RP1: variants seen among roughly 807,000 people sequenced by gnomAD.
The protein encoded by RP1 is oxygen-regulated protein 1.
A neutral mutation model predicts 14.8 loss-of-function variants in RP1; 16 were observed. That is an observed-to-expected ratio of 1.08 (90% CI 0.73 to 1.65). The LOEUF (loss-of-function observed/expected upper bound fraction) is 1.65. Among genes scored for constraint, RP1 ranks in the 40% most tolerant of loss-of-function variants. RP1 has a pLI of 0.00. For synonymous variants in RP1, 876 were observed against 883.6 expected, an observed-to-expected ratio of 0.99 and a Z score of 0.15; for missense variants, 2,631 against 2,535.0, an observed-to-expected ratio of 1.04 and a Z score of -0.81.
exon 23 of RP1, chr8:54,769,857 G>T (rs1348264532): frequency 8.1e-7 from 1 of 1,235,530 alleles, no homozygotes; most frequent in South Asian, 1.4e-5. Context: ...GTTACATCTG[G>T]ACATCATGGA....
At chr8:54,736,245 T>C (rs1167547948) in intron 18 of RP1, among the ~76,000 whole-genome samples, 1 of 152,102 alleles carries the variant, frequency 6.6e-6, no homozygotes. Context: ...ATAAGATCTT[T>C]TCTTTCTAAA....
chr8:54,864,964 C>A (rs909050817), intron 27 of RP1, among the ~76,000 whole-genome samples: 1 of 152,122 alleles, frequency 6.6e-6, no homozygotes, highest in African/African-American at 2.4e-5. Flanking sequence ...TTTATGATAT[C>A]TTCCTACTTA....
At chr8:54,807,373 T>C (rs1810877983) in intron 24 of RP1, among the ~76,000 whole-genome samples, 1 of 152,258 alleles carries the variant, frequency 6.6e-6, no homozygotes, top group Non-Finnish European at 1.5e-5. Context: ...GGTAGTTACA[T>C]GGTTAGAGTC....
chr8:54,739,046 T>A, intron 19 of RP1: 1 of 1,504,432 alleles, frequency 6.6e-7, no homozygotes, highest in Non-Finnish European at 8.9e-7. Flanking sequence ...ATGTCACTTA[T>A]TTTTTTCTTC....
intron 24 of RP1, among the ~76,000 whole-genome samples, chr8:54,799,932 C>A (rs1810664723): frequency 6.6e-6 from 1 of 151,876 alleles, no homozygotes; most frequent in African/African-American, 2.4e-5. Context: ...CCATTTACAA[C>A]ATTCTTTATT....
chr8:54,679,924 G>A, exon 12 of RP1: 1 of 1,535,942 alleles, frequency 6.5e-7, no homozygotes, highest in Non-Finnish European at 8.7e-7. Flanking sequence ...AGAGAAGACA[G>A]ACAAATATGG....
At position 54,569,989 on chromosome 8, in the gene RP1, C is replaced by T. The variant is rs115836216; in HGVS notation, c.-13+10669C>T. ...AGCACATACCCCACACTGGAGTCTG[C>T]GTGCTCCTCTTCCACCTTCCTTGTC... On this transcript the variant is annotated intron_variant, in intron 1 of 22. Coordinates refer to the RP1 transcript ENST00000636932. Among the ~76,000 whole-genome samples, 533 of 152,274 alleles carry T rather than the reference C, an allele frequency of 3.5e-3. 3 individuals are homozygous for T. Among genetic ancestry groups the T allele is most frequent in the African/African-American group, 0.012 (506 of 41,554 alleles).
chr8:54,769,840 T>C (rs1233803627), exon 23 of RP1: 1 of 1,435,110 alleles, frequency 7.0e-7, no homozygotes, highest in South Asian at 1.3e-5. Context: ...AAGTACAAGA[T>C]GATTTTGTTA....
chr8:54,720,048 T>C, intron 15 of RP1: 2 of 1,150,330 alleles, frequency 1.7e-6, no homozygotes, highest in Non-Finnish European at 2.4e-6. Context: ...GACAAAATTA[T>C]ATTCTTTTAA....
chr8:54,764,334 G>A (rs1355255777), intron 22 of RP1, among the ~76,000 whole-genome samples: 1 of 152,240 alleles, frequency 6.6e-6, no homozygotes, highest in Non-Finnish European at 1.5e-5. Context: ...TGTGTTCTCA[G>A]CTGGTGCTGT....
At chr8:54,860,541 C>T (rs751210745) in intron 27 of RP1, among the ~76,000 whole-genome samples, 5 of 152,258 alleles carry the variant, frequency 3.3e-5, no homozygotes, top group Middle Eastern at 3.4e-3. Context: ...TGGGCCCACC[C>T]CAGAGATTCT....
intron 22 of RP1, among the ~76,000 whole-genome samples, chr8:54,768,279 C>T (rs1809815017): frequency 6.6e-6 from 1 of 152,226 alleles, no homozygotes; most frequent in African/African-American, 2.4e-5. Flanking sequence ...TTCCTTTGCA[C>T]TTCCCCATTC....
intron 1 of RP1, among the ~76,000 whole-genome samples, chr8:54,582,977 T>C (rs563320409): frequency 1.3e-5 from 2 of 152,322 alleles, no homozygotes; most frequent in African/African-American, 4.8e-5. Flanking sequence ...TTTTCCTACT[T>C]GAATACCCTT....
intron 16 of RP1, among the ~76,000 whole-genome samples, chr8:54,722,272 T>G (rs1458913127): frequency 1.6e-4 from 21 of 132,862 alleles, no homozygotes; most frequent in African/African-American, 2.0e-4. Context: ...TGGTTTTTTT[T>G]TTTGTGTGTG....
chr8:54,721,995 C>A (rs916801896), intron 16 of RP1, among the ~76,000 whole-genome samples: 36 of 152,042 alleles, frequency 2.4e-4, no homozygotes, highest in African/African-American at 8.2e-4. Context: ...ATAATCCCAG[C>A]ACTTTGGGAG....
Position 54,626,244 on chromosome 8 carries a change from G to A in RP1, c.2362G>A (p.Gly788Arg), listed in dbSNP as rs751281116. The A allele has an allele frequency of 6.2e-6, 10 of 1,612,992 alleles. No individual in the cohort carries two copies. The Admixed American group carries it at 8.3e-5, about 13-fold the overall frequency. ...TAGATCACTAAATAAAATAAGCTTA[G>A]GAGCACCTAAAAAAAGAGAAATCGG... ...KSRSLNKISL[G>R]APKKREIGQR... Residue 788 changes from glycine to arginine, a missense_variant, in exon 4 of 4, where the codon GGA (glycine) becomes AGA (arginine). Coordinates refer to ENST00000220676, the MANE Select transcript of RP1 (RefSeq NM_006269.2).
chr8:54,848,777 A>G (rs548661324), intron 25 of RP1, among the ~76,000 whole-genome samples: 51 of 152,262 alleles, frequency 3.3e-4, no homozygotes, highest in Non-Finnish European at 7.2e-4. Context: ...GAGATGGAGT[A>G]TCACTCTGTT....
chr8:54,768,181 G>A (rs942116993), intron 22 of RP1, among the ~76,000 whole-genome samples: 1 of 152,200 alleles, frequency 6.6e-6, no homozygotes, highest in Non-Finnish European at 1.5e-5. Context: ...CAGTGCTGTT[G>A]TCTCTCTCTA....
chr8:54,566,779 G>A (rs1804417376), intron 1 of RP1, among the ~76,000 whole-genome samples: 1 of 152,168 alleles, frequency 6.6e-6, no homozygotes, highest in Non-Finnish European at 1.5e-5. Context: ...GAAAGTGAAA[G>A]AAAGGTAAAA....
Sources: gnomAD v4.1 joint callset for allele counts (sites outside exome capture counted in the v4.1 genomes callset) on GRCh38, gnomAD v4.1.1 for gene constraint, MANE v1.5 for transcripts, NCBI Gene and HGNC (gene_info 2026-07-23, HGNC 2026-07-21) for gene names.